CEP350: variants seen among roughly 807,000 people sequenced by gnomAD.
CEP350 encodes the protein centrosomal protein 350.
In CEP350, 126 loss-of-function variants were observed where a neutral mutation model predicts 331.8. That is an observed-to-expected ratio of 0.38 (90% confidence interval 0.33 to 0.44). The LOEUF is 0.44. Ranked by LOEUF, CEP350 falls within the 20% of genes least tolerant of loss-of-function variation. The pLI is 1.00. For missense variants in CEP350, 3,406 were observed against 3,634.6 expected, an observed-to-expected ratio of 0.94 and a Z score of 1.62; for synonymous variants, 1,200 against 1,259.5, an observed-to-expected ratio of 0.95 and a Z score of 1.00.
chr1:180,016,660 G>GTTTTT (rs10660202), intron 11 of CEP350, among the ~76,000 whole-genome samples: 7 of 128,266 alleles, frequency 5.5e-5, no homozygotes, highest in South Asian at 2.4e-4. Flanking sequence ...TTTGGGTTAT[G>GTTTTT]TTTTTTTTTT....
chr1:180,005,376 C>T (rs1431905405), intron 7 of CEP350, among the ~76,000 whole-genome samples: 1 of 151,394 alleles, frequency 6.6e-6, no homozygotes, highest in African/African-American at 2.4e-5. Flanking sequence ...TTGTTCAGGC[C>T]CCCAAATCTT....
intron 28 of CEP350, among the ~76,000 whole-genome samples, chr1:180,077,019 C>T (rs910207215): frequency 1.3e-5 from 2 of 151,948 alleles, no homozygotes; most frequent in African/African-American, 4.8e-5. Context: ...GTGTAGAGGT[C>T]CTACACAGTA....
chr1:179,963,631 C>A (rs1389387157), intron 1 of CEP350, among the ~76,000 whole-genome samples: 1 of 151,542 alleles, frequency 6.6e-6, no homozygotes, highest in Non-Finnish European at 1.5e-5. Flanking sequence ...CAGCTTTGTT[C>A]AAGATCAACT....
intron 22 of CEP350, among the ~76,000 whole-genome samples, chr1:180,051,743 C>A (rs1440307335): frequency 6.6e-6 from 1 of 152,126 alleles, no homozygotes; most frequent in South Asian, 2.1e-4. Context: ...GGGGAAAGAG[C>A]TGATCTAAGT....
chr1:180,102,204 C>T (rs1303964892), intron 37 of CEP350, among the ~76,000 whole-genome samples: 2 of 151,282 alleles, frequency 1.3e-5, no homozygotes, highest in Non-Finnish European at 2.9e-5. Flanking sequence ...GGCACCACCT[C>T]GGCTCACTAC....
intron 15 of CEP350, among the ~76,000 whole-genome samples, chr1:180,033,353 T>C (rs1656142752): frequency 6.6e-6 from 1 of 152,130 alleles, no homozygotes; most frequent in Non-Finnish European, 1.5e-5. Context: ...ATTAAGTATT[T>C]AGAGATGAAT....
intron 25 of CEP350, among the ~76,000 whole-genome samples, chr1:180,057,824 A>G (rs1295767588): frequency 6.6e-6 from 1 of 152,160 alleles, no homozygotes; most frequent in Non-Finnish European, 1.5e-5. Flanking sequence ...CCAGGGATTC[A>G]CTGGAAACCC....
In CEP350 at chr1:180,112,317, T is replaced by A. The variant is rs946676550; in HGVS notation, c.*1156T>A. 3 of 152,576 alleles carry A rather than the reference T, an allele frequency of 2.0e-5. No homozygotes were observed. The highest frequency in any genetic ancestry group is 4.4e-5 in the Non-Finnish European group (3 of 68,054). 9.5% of individuals were successfully genotyped at this position (152,576 alleles called of 1,614,324 possible). On this transcript the variant is annotated 3_prime_UTR_variant, in exon 38 of 38. Transcript: ENST00000367607. Reference sequence around the variant, plus strand: ...TGGTTTTAACAAACCAATACACATATTGAAGAAGTCATTTTAATTCAGTGA... The same window carrying A: ...TGGTTTTAACAAACCAATACACATAATGAAGAAGTCATTTTAATTCAGTGA...
intron 1 of CEP350, among the ~76,000 whole-genome samples, chr1:179,959,027 C>CT (rs1337017669): frequency 1.3e-5 from 2 of 151,840 alleles, no homozygotes; most frequent in African/African-American, 4.8e-5. Context: ...ATTTTTGAAA[C>CT]TTTTTTCTAA....
At chr1:180,088,896 GAA>G in intron 32 of CEP350, among the ~76,000 whole-genome samples, 1 of 152,230 alleles carries the variant, frequency 6.6e-6, no homozygotes, top group East Asian at 1.9e-4. Context: ...GCAGTAAAAA[GAA>G]AAAAGTTTAA....
At chr1:180,057,600 A>G (rs1046649437) in intron 25 of CEP350, among the ~76,000 whole-genome samples, 3 of 151,612 alleles carry the variant, frequency 2.0e-5, no homozygotes, top group African/African-American at 7.3e-5. Context: ...ACAGTTATAT[A>G]AATAACTGCA....
At chr1:180,038,959 A>G (rs906739709) in intron 17 of CEP350, among the ~76,000 whole-genome samples, 1 of 152,078 alleles carries the variant, frequency 6.6e-6, no homozygotes, top group Non-Finnish European at 1.5e-5. Flanking sequence ...CACACCTGTT[A>G]TCCCAGGACT....
intron 1 of CEP350, among the ~76,000 whole-genome samples, chr1:179,960,240 A>G (rs564786026): frequency 4.2e-4 from 56 of 132,322 alleles, no homozygotes; most frequent in African/African-American, 1.6e-3. Flanking sequence ...AATTCATGTC[A>G]GTTCACCTAA....
chr1:179,997,272 A>G (rs980574662), intron 6 of CEP350, 97 bp downstream of exon 6: 2 of 1,400,212 alleles, frequency 1.4e-6, no homozygotes, highest in African/African-American at 2.9e-5. Flanking sequence ...TTAGAACAGG[A>G]TGTTATTCTT....
At position 179,954,844 on chromosome 1, in the gene CEP350, T is replaced by C. The variant is rs1294065041; in HGVS notation, c.-312T>C. 1.4e-5 allele frequency: 6 copies of C among 432,868 alleles called. No individual in the cohort carries two copies. The highest frequency in any genetic ancestry group is 2.0e-5 in the African/African-American group (1 of 48,854). The allele number at this position is 432,868 out of a possible 1,614,324, so 26.8% of individuals were successfully genotyped here. The stretch of plus-strand genomic sequence containing the variant: ...GCTGTAATGGCGACTGGGCCGCCCC[T>C]GACGAAGTGACTCCCGGGCCGGGGA... On this transcript the variant is annotated 5_prime_UTR_variant, in exon 1 of 38. Coordinates refer to ENST00000367607, the MANE Select transcript of CEP350 (RefSeq NM_014810.5).
chr1:180,074,358 G>A (rs974867699), intron 27 of CEP350, among the ~76,000 whole-genome samples: 3 of 152,072 alleles, frequency 2.0e-5, no homozygotes, highest in African/African-American at 7.2e-5. Flanking sequence ...AGAATTTGAT[G>A]CATCCCTTTA....
chr1:180,021,016 AAAAT>A lies in CEP350; in HGVS notation c.3235+13_3235+16del. ...TATCAGTTATATGGAAAAGGTGAGA[AAAAT>A]AAATATAGCTTGTACTGTTTGTATA... On this transcript the variant is annotated splice_region_variant and intron_variant, in intron 12 of 37. Transcript: ENST00000367607. The A allele has an allele frequency of 6.7e-6, 10 of 1,493,830 alleles. No individual in the cohort carries two copies. Among genetic ancestry groups the A allele is most frequent in the Non-Finnish European group, 8.9e-6 (10 of 1,125,714 alleles). 92.5% of individuals were successfully genotyped at this position (1,493,830 alleles called of 1,614,324 possible).
At chr1:180,088,251 GTC>G (rs1213356157) in intron 32 of CEP350, among the ~76,000 whole-genome samples, 2 of 152,118 alleles carry the variant, frequency 1.3e-5, no homozygotes. Context: ...ATAGTATGCA[GTC>G]AGTAAGCAAA....
At chr1:180,007,811 A>G (rs959772775) in intron 8 of CEP350, among the ~76,000 whole-genome samples, 1 of 151,026 alleles carries the variant, frequency 6.6e-6, no homozygotes, top group African/African-American at 2.4e-5. Context: ...TGTTTGGCAC[A>G]TATAAAAAAT....
Sources: gnomAD v4.1 joint callset for allele counts (sites outside exome capture counted in the v4.1 genomes callset) on GRCh38, gnomAD v4.1.1 for gene constraint, MANE v1.5 for transcripts, NCBI Gene and HGNC (gene_info 2026-07-23, HGNC 2026-07-21) for gene names.